The following STAG3 variants were observed in gnomAD, a reference collection of about 807,000 sequenced individuals.
STAG3 encodes cohesin subunit SA-3.
A neutral mutation model predicts 160.7 loss-of-function variants in STAG3; 101 were observed. That is an observed-to-expected ratio of 0.63 (90% CI 0.54 to 0.74). The LOEUF (loss-of-function observed/expected upper bound fraction) is 0.74, where lower values mean the gene tolerates loss of function less well. STAG3 is among the 30% of genes least tolerant of loss of function. The pLI is 0.00. For missense variants in STAG3, 1,188 were observed against 1,517.4 expected (o/e 0.78, Z 3.61); for synonymous variants, 519 against 585.0 (o/e 0.89, Z 1.63).
At chr7:100,205,969 C>T (rs1442129871) in intron 29 of STAG3, among the ~76,000 whole-genome samples, 1 of 152,012 alleles carries the variant, frequency 6.6e-6, no homozygotes, top group African/African-American at 2.4e-5. Context: ...TTGTTTTTTA[C>T]CTTCAGATCA....
intron 21 of STAG3, 148 bp downstream of exon 21, chr7:100,201,499 T>A (rs1801131482): frequency 5.8e-6 from 4 of 684,830 alleles, no homozygotes; most frequent in Non-Finnish European, 1.0e-5. Flanking sequence ...CCTCTTACAT[T>A]CCTCTCTTAG....
downstream of STAG3, among the ~76,000 whole-genome samples, chr7:100,214,798 G>C (rs1413483204): frequency 6.6e-6 from 1 of 152,116 alleles, no homozygotes; most frequent in Non-Finnish European, 1.5e-5. Flanking sequence ...CAGTATCTGA[G>C]AGTTAAAAGG....
At chr7:100,188,077 G>A (rs1391613190) in intron 5 of STAG3, among the ~76,000 whole-genome samples, 3 of 152,128 alleles carry the variant, frequency 2.0e-5, no homozygotes, top group Non-Finnish European at 2.9e-5. Context: ...TCTTTAGGCC[G>A]TTCTTGTTGT....
At chr7:100,202,859 C>T (rs1018176381) in intron 25 of STAG3, among the ~76,000 whole-genome samples, 1 of 152,106 alleles carries the variant, frequency 6.6e-6, no homozygotes, top group Non-Finnish European at 1.5e-5. Flanking sequence ...TTCTCTGACC[C>T]CAGTCTATGG....
chr7:100,182,358 C>CAA (rs548211372), intron 3 of STAG3, among the ~76,000 whole-genome samples, 166 bp downstream of exon 3: 1 of 97,972 alleles, frequency 1.0e-5, no homozygotes, highest in African/African-American at 3.9e-5. Context: ...GACTCCGTCT[C>CAA]AAAAAAAAAA....
At chr7:100,199,694 G>A (rs1303119353) in intron 16 of STAG3, 50 bp downstream of exon 16, 4 of 1,363,950 alleles carry the variant, frequency 2.9e-6, no homozygotes, top group Non-Finnish European at 4.0e-6. Context: ...AGTCTTGACA[G>A]GCAATGTGCA....
chr7:100,211,021 GCC>G lies in STAG3; in HGVS notation c.3250_3251del (p.Pro1084Ter). 1 of 1,613,548 alleles carries G rather than the reference GCC, an allele frequency of 6.2e-7. No individual in the cohort carries two copies. The highest frequency in any genetic ancestry group is 8.5e-7 in the Non-Finnish European group (1 of 1,179,860). On this transcript the variant is annotated frameshift_variant, in exon 30 of 34. Coordinates refer to ENST00000615138, the MANE Select transcript of STAG3 (RefSeq NM_001282717.2). LOFTEE classifies it high-confidence loss of function. ...KRRRVEGPAKPNREDVSSSQE... is the reference protein window; with the variant it reads ...KRRRVEGPAKXNREDVSSSQE... ...GCATCTGCTTGGCAGGGCCTGCCAA[GCC>G]TAACAGAGAGGACGTCTCCTCGTCC...
intron 29 of STAG3, among the ~76,000 whole-genome samples, chr7:100,206,327 T>A (rs1489459201): frequency 6.6e-6 from 1 of 152,086 alleles, no homozygotes; most frequent in Non-Finnish European, 1.5e-5. Flanking sequence ...CCTAAGGTTT[T>A]TTCTTTGCTT....
intron 7 of STAG3, among the ~76,000 whole-genome samples, 198 bp downstream of exon 7, chr7:100,189,214 T>A (rs1316158342): frequency 1.3e-5 from 2 of 152,104 alleles, no homozygotes; most frequent in African/African-American, 4.8e-5. Context: ...ATTTCCAGGT[T>A]TAATATTTTT....
Position 100,201,160 on chromosome 7 carries a change from A to G in STAG3, c.2132A>G (p.Asn711Ser). Reference protein sequence around the residue: ...ATLKRLSAFYNTHDLTRWELY... With the variant: ...ATLKRLSAFYSTHDLTRWELY... ...CTGAAACGCCTCTCTGCCTTCTACA[A>G]GTGAGTGGCTTTCCTCCTCTTCCCC... The change falls in exon 20 of 34, where the codon AAC (asparagine) becomes AGC (serine). Residue 711 changes from asparagine (N) to serine (S), a missense_variant and splice_region_variant. By Grantham distance (46) the Asn-to-Ser change is conservative. Around this residue, in one of 4 missense-constraint regions of STAG3, gnomAD observed 647 missense variants for 717.2 expected, o/e 0.90. Transcript: ENST00000615138. 6.2e-7 allele frequency: 1 copy of G among 1,614,164 alleles called. No homozygotes were observed. The highest frequency in any genetic ancestry group is 8.5e-7 in the Non-Finnish European group (1 of 1,180,034).
chr7:100,215,589 C>T (rs1248502814), downstream of STAG3, among the ~76,000 whole-genome samples: 1 of 152,102 alleles, frequency 6.6e-6, no homozygotes, highest in Non-Finnish European at 1.5e-5. Context: ...GGGAAAGATT[C>T]CTGAATTATT....
chr7:100,186,177 T>A, intron 4 of STAG3, 23 bp from the exon 5 acceptor site: 1 of 1,584,076 alleles, frequency 6.3e-7, no homozygotes, highest in Non-Finnish European at 8.7e-7. Flanking sequence ...GAAACAGAAG[T>A]CATCTACATT....
Position 100,202,538 on chromosome 7 carries a change from A to T in STAG3, c.2648A>T (p.Tyr883Phe). The change falls in exon 25 of 34, where the codon TAT becomes TTT. Residue 883 changes from tyrosine to phenylalanine, a missense_variant. This residue lies in a region of STAG3 where 647 missense variants were observed against 717.2 expected (regional missense o/e 0.90). Coordinates refer to ENST00000615138, the MANE Select transcript of STAG3 (RefSeq NM_001282717.2). ...LLAGFCKLLL[Y>F]GVLEMDAASD... ...GCCGGGTTCTGCAAGCTGTTGCTTTATGGGGTGCTGGAGATGGATGCAGCC... is the reference window on the plus strand; with the variant it reads ...GCCGGGTTCTGCAAGCTGTTGCTTTTTGGGGTGCTGGAGATGGATGCAGCC... The T allele has an allele frequency of 6.2e-7, 1 of 1,614,186 alleles. No individual in the cohort carries two copies. Among genetic ancestry groups the T allele is most frequent in the Non-Finnish European group, 8.5e-7 (1 of 1,180,028 alleles).
intron 1 of STAG3, among the ~76,000 whole-genome samples, chr7:100,178,287 G>T (rs1436593761): frequency 1.3e-5 from 2 of 152,098 alleles, no homozygotes; most frequent in Non-Finnish European, 2.9e-5. Context: ...TGGAAAAATA[G>T]GAAACGCGCA....
intron 16 of STAG3, 168 bp from the exon 17 acceptor site, chr7:100,200,065 CAAA>C (rs59199513): frequency 9.7e-3 from 3,572 of 368,278 alleles, no homozygotes; most frequent in South Asian, 0.015. Context: ...GACTCCGTCT[CAAA>C]AAAAAAAAAA....
rs1801754838 is a variant in STAG3, at chr7:100,207,397, A to G, written c.3238+2013A>G. Among the ~76,000 whole-genome samples, 1 of 151,896 alleles carries G rather than the reference A, an allele frequency of 6.6e-6. No homozygotes were observed. The highest frequency in any genetic ancestry group is 2.4e-5 in the African/African-American group (1 of 41,328). On this transcript the variant is annotated intron_variant, in intron 29 of 33. Transcript: ENST00000615138. This position sits in a 1 kb window ranked among gnomAD's most constrained non-coding sequence, Gnocchi z 4.0. Reference sequence around the variant, plus strand: ...CCGGTACTTATTAATGTCTTTTTTTATTTTATCCATCTCCTAGTAGCTGTG... The same window carrying G: ...CCGGTACTTATTAATGTCTTTTTTTGTTTTATCCATCTCCTAGTAGCTGTG...
At chr7:100,193,533 TG>T (rs1800472525) in intron 8 of STAG3, among the ~76,000 whole-genome samples, 1 of 152,252 alleles carries the variant, frequency 6.6e-6, no homozygotes, top group African/African-American at 2.4e-5. Context: ...CTTGATAACT[TG>T]TTGCTTCTCT....
In STAG3 at chr7:100,202,286, C is replaced by T. The variant is rs1394993087; in HGVS notation, c.2509C>T (p.Leu837=). The change falls in exon 24 of 34, where the codon CTA becomes TTA. Residue 837 remains leucine (L), a synonymous_variant. Coordinates refer to ENST00000615138, the MANE Select transcript of STAG3 (RefSeq NM_001282717.2). ...FFPEATLQSE[L]ASFLMDHVFI... is the part of the protein sequence containing the mutation. ...TCCTGAAGCTACTCTCCAGTCTGAG[C>T]TAGCCAGCTTCCTCATGGACCACGT... 6.2e-7 allele frequency: 1 copy of T among 1,614,156 alleles called. No individual in the cohort carries two copies. Among genetic ancestry groups the T allele is most frequent in the South Asian group, 1.1e-5 (1 of 91,074 alleles).
chr7:100,182,497 G>C (rs1799712665), intron 3 of STAG3, among the ~76,000 whole-genome samples: 1 of 152,034 alleles, frequency 6.6e-6, no homozygotes, highest in African/African-American at 2.4e-5. Flanking sequence ...AGGACGTTAG[G>C]ATGTAGAGAT....
Sources: allele counts gnomAD v4.1 joint callset (sites outside exome capture counted in the v4.1 genomes callset), GRCh38; gene constraint gnomAD v4.1.1; regional missense constraint gnomAD v4.1.1; non-coding constraint Gnocchi (gnomAD v3.1); transcripts MANE v1.5; gene names NCBI Gene and HGNC (gene_info 2026-07-23, HGNC 2026-07-21).